SDK2: variants seen among roughly 807,000 people sequenced by gnomAD.
SDK2 encodes the protein protein sidekick-2.
In SDK2, 105 loss-of-function variants were observed where a neutral mutation model predicts 253.9. The ratio of observed to expected loss-of-function variants is 0.41; its 90% CI spans 0.35 to 0.49. The LOEUF is 0.49. Among genes scored for constraint, SDK2 ranks in the 20% least tolerant of loss-of-function variants. The pLI, the probability that SDK2 is intolerant of heterozygous loss-of-function variation, is 0.06. For synonymous variants in SDK2, 1,249 were observed against 1,234.9 expected (o/e 1.01, Z -0.24); for missense variants, 2,608 against 3,003.0 (o/e 0.87, Z 3.07).
At chr17:73,527,693 G>A (rs936922650) in intron 1 of SDK2, among the ~76,000 whole-genome samples, 3 of 152,236 alleles carry the variant, frequency 2.0e-5, no homozygotes, top group Admixed American at 6.5e-5. Flanking sequence ...GCAGAGGAGC[G>A]TGGATGGAAG....
chr17:73,578,117 TG>T (rs1401040878), intron 1 of SDK2, among the ~76,000 whole-genome samples: 4 of 150,758 alleles, frequency 2.7e-5, no homozygotes, highest in Non-Finnish European at 5.9e-5. Context: ...TGGAGTGCAA[TG>T]GTGCGATCTC....
At chr17:73,405,450 A>C (rs1335844904) in intron 18 of SDK2, among the ~76,000 whole-genome samples, 5 of 116,536 alleles carry the variant, frequency 4.3e-5, no homozygotes, top group Non-Finnish European at 7.0e-5. Flanking sequence ...AAAAAAAAAA[A>C]AAAACAAACA....
intron 2 of SDK2, among the ~76,000 whole-genome samples, chr17:73,489,401 C>T (rs75058567): frequency 9.2e-5 from 14 of 152,080 alleles, no homozygotes; most frequent in Admixed American, 5.2e-4. Flanking sequence ...ATTCATACTA[C>T]GATTGGAGGT....
intron 12 of SDK2, among the ~76,000 whole-genome samples, chr17:73,426,054 T>C (rs1212656849): frequency 6.6e-6 from 1 of 151,726 alleles, no homozygotes. Context: ...TTTTATTTTA[T>C]TTTATTTTGA....
rs577834509 is a variant in SDK2 at position 73,643,106 on chromosome 17, T to G, written c.64+919A>C. 1 of 152,462 alleles carries G rather than the reference T, an allele frequency of 6.6e-6. No homozygotes were observed. The highest frequency in any genetic ancestry group is 2.4e-5 in the African/African-American group (1 of 41,588). The allele number at this position is 152,462 out of a possible 1,614,324, so 9.4% of individuals were successfully genotyped here. ...AACCCCAAAGTCGAGGAACCGCCGG[T>G]GCAGCCGCCCTTCACCTCGGGGACC... On this transcript the variant is annotated intron_variant, in intron 1 of 44. Coordinates refer to ENST00000392650, the MANE Select transcript of SDK2 (RefSeq NM_001144952.2). The surrounding 1 kb of genome is among the most constrained non-coding windows in gnomAD (Gnocchi z 6.9).
At chr17:73,632,205 T>G (rs2046279259) in intron 1 of SDK2, among the ~76,000 whole-genome samples, 1 of 152,208 alleles carries the variant, frequency 6.6e-6, no homozygotes, top group Admixed American at 6.5e-5. Context: ...GTATGGTTCT[T>G]GGGTGTGTCT....
At chr17:73,461,780 G>A (rs539679321) in intron 3 of SDK2, among the ~76,000 whole-genome samples, 13 of 152,268 alleles carry the variant, frequency 8.5e-5, no homozygotes, top group African/African-American at 2.9e-4. Flanking sequence ...TGGTATGGCT[G>A]TTGTATGTAT....
intron 1 of SDK2, among the ~76,000 whole-genome samples, chr17:73,571,685 G>A (rs934190652): frequency 6.6e-6 from 1 of 152,256 alleles, no homozygotes; most frequent in Non-Finnish European, 1.5e-5. Flanking sequence ...CCCAGCGGGG[G>A]CTACGCCTTC....
At position 73,390,480 on chromosome 17, in the gene SDK2, A is replaced by G. The variant is rs773188872; in HGVS notation, c.3999T>C (p.Ala1333=). ...TGTTGAGCCGGTGTGTGATCTGGTA[A>G]GCTGTGGGAAGGAAGCACATGGCTA... ...PPAAPNGIIL[A]YQITHRLNTT... The change falls in exon 29 of 45, where the codon GCT becomes GCC. Residue 1333 remains alanine, a splice_region_variant and synonymous_variant. Transcript: ENST00000392650. 3.1e-6 allele frequency: 5 copies of G among 1,608,304 alleles called. No individual in the cohort carries two copies. The East Asian group carries it at 8.9e-5, about 29-fold the overall frequency.
chr17:73,584,046 C>G (rs994563257), intron 1 of SDK2, among the ~76,000 whole-genome samples: 3 of 152,208 alleles, frequency 2.0e-5, no homozygotes, highest in African/African-American at 7.2e-5. Flanking sequence ...GGCAAGACAT[C>G]ACTCAAAGCT....
At position 73,435,558 on chromosome 17, in the gene SDK2, C is replaced by T. The variant is rs765359507; in HGVS notation, c.1087G>A (p.Gly363Arg). ...ACCAGGCCGCTGATCTGCAGGCCCC[C>T]GTCGTTGCGCTGCCGGAAGCGGGTC... ...KLTRFRQRND[G>R]GLQISGLVPD... The change falls in exon 9 of 45, where the codon GGG (glycine) becomes AGG (arginine). Residue 363 changes from glycine (G) to arginine (R), a missense_variant. Physicochemically the swap from Gly to Arg is moderately radical, Grantham distance 125 (BLOSUM62 -2). This residue lies in a region of SDK2 where 1,505 missense variants were observed against 1,859.1 expected (regional missense o/e 0.81). Coordinates refer to ENST00000392650, the MANE Select transcript of SDK2 (RefSeq NM_001144952.2). This position sits in a 1 kb window ranked among gnomAD's most constrained non-coding sequence, Gnocchi z 5.7. 16 of 1,589,464 alleles carry T rather than the reference C, an allele frequency of 1.0e-5. No individual in the cohort carries two copies. The highest frequency in any genetic ancestry group is 7.0e-5 in the Admixed American group (4 of 57,008).
intron 1 of SDK2, among the ~76,000 whole-genome samples, chr17:73,580,245 T>C (rs2045516310): frequency 1.3e-5 from 2 of 152,228 alleles, no homozygotes; most frequent in African/African-American, 4.8e-5. Flanking sequence ...GCCTGCCTCA[T>C]TCCTCTCCCT....
chr17:73,434,066 T>C (rs2063348816), intron 9 of SDK2, among the ~76,000 whole-genome samples: 1 of 152,202 alleles, frequency 6.6e-6, no homozygotes, highest in African/African-American at 2.4e-5. Context: ...CCACCTGCCC[T>C]GTGGAAGGAC....
intron 2 of SDK2, among the ~76,000 whole-genome samples, chr17:73,494,510 A>C (rs1187512643): frequency 7.2e-5 from 11 of 152,204 alleles, no homozygotes; most frequent in Non-Finnish European, 1.5e-5. Context: ...GAGTGTGAGC[A>C]AACAGGTTGC....
intron 2 of SDK2, among the ~76,000 whole-genome samples, chr17:73,486,741 G>A (rs898001181): frequency 6.6e-6 from 1 of 152,098 alleles, no homozygotes; most frequent in African/African-American, 2.4e-5. Context: ...GCCTGGTAGG[G>A]CAGAGTTAAC....
In SDK2 at chr17:73,410,739, A is replaced by T. The variant is rs80283036; in HGVS notation, c.2484+3905T>A. Among the ~76,000 whole-genome samples the T allele has an allele frequency of 4.6e-3, 704 of 152,230 alleles. 46 individuals carry two copies. In the East Asian group the frequency reaches 0.12, roughly 27 times the overall value. On this transcript the variant is annotated intron_variant, in intron 18 of 44. Coordinates refer to ENST00000392650, the MANE Select transcript of SDK2 (RefSeq NM_001144952.2). ...AAGTGTGAGGTCTCCTTACTCCTCCACCAGTTTCTGTGCTCAAAACGTCTG... is the reference window on the plus strand; with the variant it reads ...AAGTGTGAGGTCTCCTTACTCCTCCTCCAGTTTCTGTGCTCAAAACGTCTG...
intron 2 of SDK2, among the ~76,000 whole-genome samples, chr17:73,484,887 C>T (rs1158259332): frequency 6.6e-6 from 1 of 152,212 alleles, no homozygotes; most frequent in Non-Finnish European, 1.5e-5. Context: ...CTCCTGGGCT[C>T]AAATGATCCT....
At chr17:73,387,000 G>T (rs577976362) in intron 30 of SDK2, among the ~76,000 whole-genome samples, 1 of 152,142 alleles carries the variant, frequency 6.6e-6, no homozygotes, top group African/African-American at 2.4e-5. Flanking sequence ...TCACTCTGTT[G>T]CCCAGGCTGG....
intron 1 of SDK2, among the ~76,000 whole-genome samples, chr17:73,551,932 G>A (rs1313527516): frequency 1.3e-5 from 2 of 152,174 alleles, no homozygotes; most frequent in Non-Finnish European, 2.9e-5. Flanking sequence ...AGAGAGGAGA[G>A]GGCACTAGAT....
Sources: allele counts gnomAD v4.1 joint callset (sites outside exome capture counted in the v4.1 genomes callset), GRCh38; gene constraint gnomAD v4.1.1; regional missense constraint gnomAD v4.1.1; non-coding constraint Gnocchi (gnomAD v3.1); transcripts MANE v1.5; gene names NCBI Gene and HGNC (gene_info 2026-07-23, HGNC 2026-07-21).